Variants in GFI1B observed in about 807,000 individuals in gnomAD.
GFI1B encodes the protein growth factor independent 1B transcriptional repressor, also known as zinc finger protein Gfi-1b.
A neutral mutation model predicts 35.3 loss-of-function variants in GFI1B; 20 were observed. The ratio of observed to expected loss-of-function variants is 0.57; its 90% CI spans 0.40 to 0.82. The LOEUF (loss-of-function observed/expected upper bound fraction) is 0.82, where lower values mean the gene tolerates loss of function less well. GFI1B is among the 40% of genes least tolerant of loss of function. The probability of loss-of-function intolerance (pLI) is 0.00; values close to 1 mark genes in which losing one functional copy is unlikely to be tolerated. For missense variants in GFI1B, 430 were observed against 446.3 expected (o/e 0.96, Z 0.33); for synonymous variants, 178 against 177.6 (o/e 1.00, Z -0.02).
chr9:132,952,911 A>AT (rs1321874720), intron 1 of GFI1B: 1 of 152,166 alleles, frequency 6.6e-6, no homozygotes, highest in Non-Finnish European at 1.5e-5. Context: ...ACACAGATAC[A>AT]TTTTTTTGAT....
intron 1 of GFI1B, among the ~76,000 whole-genome samples, chr9:132,958,691 G>A (rs1848319964): frequency 6.6e-6 from 1 of 152,176 alleles, no homozygotes; most frequent in Admixed American, 6.6e-5. Flanking sequence ...AACTATGTTG[G>A]AAGTTGAACT....
At chr9:132,963,694 T>C (rs1422871732) in intron 1 of GFI1B, 2 of 152,064 alleles carry the variant, frequency 1.3e-5, no homozygotes, top group African/African-American at 2.4e-5. Context: ...AAGTTGAATA[T>C]TGGAGACAAC....
chr9:132,981,969 T>G (rs1229013890), intron 1 of GFI1B, among the ~76,000 whole-genome samples: 1 of 152,176 alleles, frequency 6.6e-6, no homozygotes, highest in Non-Finnish European at 1.5e-5. Context: ...GCCAGGCTGG[T>G]CTTGAACTCC....
At chr9:132,966,534 A>G (rs1244623039) in intron 1 of GFI1B, among the ~76,000 whole-genome samples, 1 of 152,208 alleles carries the variant, frequency 6.6e-6, no homozygotes, top group African/African-American at 2.4e-5. Flanking sequence ...CTTTACAGAT[A>G]ATAAATGTAG....
chr9:132,960,404 A>AC (rs1170882480), intron 1 of GFI1B, among the ~76,000 whole-genome samples: 1 of 152,172 alleles, frequency 6.6e-6, no homozygotes, highest in African/African-American at 2.4e-5. Context: ...GCAACGCAGA[A>AC]CCCCTGGAAG....
intron 1 of GFI1B, among the ~76,000 whole-genome samples, chr9:132,954,873 CA>C (rs1352595498): frequency 6.6e-6 from 1 of 151,942 alleles, no homozygotes; most frequent in African/African-American, 2.4e-5. Context: ...TGCGTGCCAC[CA>C]AGCCCAGCTA....
At chr9:132,980,128 G>C (rs1848767606) in intron 1 of GFI1B, among the ~76,000 whole-genome samples, 1 of 151,392 alleles carries the variant, frequency 6.6e-6, no homozygotes, top group African/African-American at 2.4e-5. Flanking sequence ...AGTTCTTGGG[G>C]AACATTGGAG....
chr9:132,987,539 G>A (rs1273906351), intron 3 of GFI1B, 120 bp downstream of exon 3: 3 of 1,136,684 alleles, frequency 2.6e-6, no homozygotes, highest in Admixed American at 1.9e-5. Context: ...GAAGTCACTG[G>A]ATGCAGCCCG....
At chr9:132,983,936 C>T (rs1848926528) in intron 1 of GFI1B, among the ~76,000 whole-genome samples, 1 of 152,236 alleles carries the variant, frequency 6.6e-6, no homozygotes, top group Admixed American at 6.5e-5. Flanking sequence ...CAGGCTTCAG[C>T]TCCTTCTTTA....
chr9:132,992,926 C>T (rs142626412), downstream of GFI1B, among the ~76,000 whole-genome samples: 426 of 152,146 alleles, frequency 2.8e-3, 2 homozygotes, highest in African/African-American at 8.9e-3. Context: ...CTAACCCACA[C>T]AACCTTCTGC....
intron 1 of GFI1B, among the ~76,000 whole-genome samples, chr9:132,980,133 T>C (rs1388369886): frequency 6.6e-6 from 1 of 152,198 alleles, no homozygotes. Flanking sequence ...TTGGGGAACA[T>C]TGGAGAGCTA....
At chr9:132,959,256 C>A (rs1466310794) in intron 1 of GFI1B, among the ~76,000 whole-genome samples, 2 of 152,156 alleles carry the variant, frequency 1.3e-5, no homozygotes, top group Non-Finnish European at 2.9e-5. Flanking sequence ...AGTGAGTTCT[C>A]ACGAGACCTG....
intron 1 of GFI1B, among the ~76,000 whole-genome samples, chr9:132,960,428 G>A (rs1588410564): frequency 6.6e-6 from 1 of 152,208 alleles, no homozygotes; most frequent in East Asian, 1.9e-4. Flanking sequence ...GTGAGTTCAG[G>A]AAAGAAGGAA....
At chr9:132,946,818 C>CA (rs1848115128) in intron 1 of GFI1B, 1 of 152,324 alleles carries the variant, frequency 6.6e-6, no homozygotes, top group South Asian at 2.1e-4. Flanking sequence ...GGAGAGCAGC[C>CA]ATAAGCAGAG....
intron 1 of GFI1B, among the ~76,000 whole-genome samples, chr9:132,981,126 A>G (rs1055682986): frequency 6.6e-6 from 1 of 152,072 alleles, no homozygotes; most frequent in African/African-American, 2.4e-5. Context: ...GGAACTCCTG[A>G]CCTCAGGTGA....
At chr9:132,966,960 G>T (rs1321848618) in intron 1 of GFI1B, among the ~76,000 whole-genome samples, 1 of 152,188 alleles carries the variant, frequency 6.6e-6, no homozygotes, top group East Asian at 1.9e-4. Context: ...GACACAGAGT[G>T]CTAGGGTTTA....
chr9:132,972,844 G>A (rs36074943), intron 2 of GFI1B: 13,264 of 152,240 alleles, frequency 0.087, 778 homozygotes, highest in Middle Eastern at 0.16. Flanking sequence ...GGCAGTGCCA[G>A]CCCCGACGAC....
At chr9:132,988,143 G>A in intron 3 of GFI1B, 54 bp from the exon 4 acceptor site, 5 of 1,564,318 alleles carry the variant, frequency 3.2e-6, no homozygotes, top group Non-Finnish European at 4.4e-6. Flanking sequence ...ACGCCACTGT[G>A]CCCAACCCCC....
Position 132,950,755 on chromosome 9 carries a change from T to A in GFI1B, c.-701+5086T>A, listed in dbSNP as rs150326038. Among the ~76,000 whole-genome samples the A allele has an allele frequency of 2.7e-3, 363 of 135,038 alleles. 18 individuals are homozygous for A. The highest frequency in any genetic ancestry group is 1.0e-2 in the African/African-American group (342 of 34,332). The allele number at this position is 135,038 out of a possible 152,430, so 88.6% of individuals were successfully genotyped here. On this transcript the variant is annotated intron_variant, in intron 1 of 10. Coordinates refer to the GFI1B transcript ENST00000339463. ...CACTTTGGGTTTTTGAGATTTTGTT[T>A]AACAATGCCTTTTCCAACCCTTAAT...
Sources: allele counts gnomAD v4.1 joint callset (sites outside exome capture counted in the v4.1 genomes callset), GRCh38; gene constraint gnomAD v4.1.1; transcripts MANE v1.5; gene names NCBI Gene and HGNC (gene_info 2026-07-23, HGNC 2026-07-21).